PMVK: variants seen among roughly 807,000 people sequenced by gnomAD.
PMVK encodes the protein phosphomevalonate kinase.
Under a neutral mutation model 19.0 loss-of-function variants are expected in PMVK, and 10 were observed. That is an observed-to-expected ratio of 0.53 (90% CI 0.32 to 0.89). PMVK has a LOEUF of 0.89. Among genes scored for constraint, PMVK ranks in the 40% least tolerant of loss-of-function variants. The probability of loss-of-function intolerance (pLI) is 0.03; values close to 1 mark genes in which losing one functional copy is unlikely to be tolerated. For missense variants in PMVK, 222 were observed against 251.1 expected, an observed-to-expected ratio of 0.88 and a Z score of 0.78; for synonymous variants, 108 against 101.6, an observed-to-expected ratio of 1.06 and a Z score of -0.38.
chr1:154,926,435 C>T lies in PMVK; in HGVS notation c.361G>A (p.Ala121Thr). The T allele has an allele frequency of 1.9e-6, 3 of 1,613,924 alleles. No homozygotes were observed. The highest frequency in any genetic ancestry group is 2.5e-6 in the Non-Finnish European group (3 of 1,179,918). Reference sequence around the variant, plus strand: ...ACCGTCTGCGTCACGGCCCCATAGGCCTCCCGAAACCACTGGATGTCAGAC... The same window carrying T: ...ACCGTCTGCGTCACGGCCCCATAGGTCTCCCGAAACCACTGGATGTCAGAC... Reference protein sequence around the residue: ...RVSDIQWFREAYGAVTQTVRV... With the variant: ...RVSDIQWFRETYGAVTQTVRV... The change falls in exon 4 of 5, where the codon GCC (alanine) becomes ACC (threonine). Residue 121 changes from alanine to threonine, a missense_variant. Transcript: ENST00000368467.
rs74116254 is a variant in PMVK, at chr1:154,935,149, G to A, written c.95+1442C>T. Among the ~76,000 whole-genome samples, 800 of 151,900 alleles carry A rather than the reference G, an allele frequency of 5.3e-3. 6 individuals carry two copies. Among genetic ancestry groups the A allele is most frequent in the African/African-American group, 0.018 (761 of 41,348 alleles). On this transcript the variant is annotated intron_variant, in intron 1 of 4. Transcript: ENST00000368467. ...CACACACTAATCAACAGTGAGCCAGGGTTTGCATCCCAGCAGTCTAATTCC... is the reference window on the plus strand; with the variant it reads ...CACACACTAATCAACAGTGAGCCAGAGTTTGCATCCCAGCAGTCTAATTCC...
At chr1:154,938,072 G>T (rs1654566836), upstream of PMVK, 1 of 152,174 alleles carries the variant, frequency 6.6e-6, no homozygotes, top group Admixed American at 6.5e-5. Flanking sequence ...CAGATGTAAG[G>T]GGTTGTTATT....
rs767325440 is a variant in PMVK, at chr1:154,932,392, A to G, written c.119T>C (p.Val40Ala). The change falls in exon 2 of 5, where the codon GTC (valine) becomes GCC (alanine). Residue 40 changes from valine to alanine, a missense_variant. Physicochemically the swap from Val to Ala is moderately conservative, Grantham distance 64. Transcript: ENST00000368467. ...CTTGAGTGGACCAGAGAGCCGGAGG[A>G]CAGCACAGACATCAGCTCCAAGTCT... ...QSRLGADVCA[V>A]LRLSGPLKEQ... is the part of the protein sequence containing the mutation. The G allele has an allele frequency of 6.2e-7, 1 of 1,612,844 alleles. No homozygotes were observed. Among genetic ancestry groups the G allele is most frequent in the Admixed American group, 1.7e-5 (1 of 59,888 alleles).
At chr1:154,930,220 G>A (rs1032697010) in intron 2 of PMVK, among the ~76,000 whole-genome samples, 1 of 152,336 alleles carries the variant, frequency 6.6e-6, no homozygotes, top group East Asian at 1.9e-4. Context: ...AGCACTTTGG[G>A]AGGCCGAGGC....
In PMVK at chr1:154,924,829, A is replaced by C; in HGVS notation, c.*300T>G. On this transcript the variant is annotated 3_prime_UTR_variant, in exon 5 of 5. Coordinates refer to ENST00000368467, the MANE Select transcript of PMVK (RefSeq NM_006556.4). ...GCTGAGAACATCCAGTCAGGATGCA[A>C]GGCCACCACAGGCTGAGGGGACTGG... is the stretch of plus-strand genomic sequence containing the variant. The C allele has an allele frequency of 2.7e-6, 1 of 375,492 alleles. No individual in the cohort carries two copies. The allele number at this position is 375,492 out of a possible 1,614,324, so 23.3% of individuals were successfully genotyped here.
upstream of PMVK, among the ~76,000 whole-genome samples, chr1:154,941,098 G>C (rs1045281233): frequency 8.5e-5 from 13 of 152,236 alleles, no homozygotes; most frequent in African/African-American, 3.1e-4. Context: ...CAGCGGTGGA[G>C]ACCGCCACTC....
chr1:154,927,103 T>C (rs1654187946), intron 3 of PMVK, among the ~76,000 whole-genome samples: 1 of 152,170 alleles, frequency 6.6e-6, no homozygotes, highest in East Asian at 1.9e-4. Flanking sequence ...ACCCCTTCTC[T>C]CCACTCTACG....
chr1:154,936,673 C>T lies in PMVK; in HGVS notation c.13G>A (p.Gly5Arg). 3 of 1,606,462 alleles carry T rather than the reference C, an allele frequency of 1.9e-6. No homozygotes were observed. The highest frequency in any genetic ancestry group is 2.5e-6 in the Non-Finnish European group (3 of 1,177,044). The change falls in exon 1 of 5, where the codon GGA becomes AGA. Residue 5 changes from glycine to arginine, a missense_variant. Transcript: ENST00000368467. The part of the protein sequence containing the change: MAPL[G>R]GAPRLVLLFS... ...AGCAGTACCAGCCGCGGGGCGCCTC[C>T]CAGCGGGGCCATGGGGCCGCCACGC...
At position 154,924,774 on chromosome 1, in the gene PMVK, G is replaced by A. The variant is rs926881034; in HGVS notation, c.*355C>T. On this transcript the variant is annotated 3_prime_UTR_variant, in exon 5 of 5. Coordinates refer to ENST00000368467, the MANE Select transcript of PMVK (RefSeq NM_006556.4). ...AGAGGTTTATTAGTATCCACACTGG[G>A]GAGCTCTGGGTTCTTGCCCAGAACA... 3.9e-6 allele frequency: 1 copy of A among 257,048 alleles called. No homozygotes were observed. The highest frequency in any genetic ancestry group is 7.6e-6 in the Non-Finnish European group (1 of 130,812). 15.9% of individuals were successfully genotyped at this position (257,048 alleles called of 1,614,324 possible).
chr1:154,935,559 T>C (rs1043133117), intron 1 of PMVK, among the ~76,000 whole-genome samples: 1 of 152,016 alleles, frequency 6.6e-6, no homozygotes, highest in Non-Finnish European at 1.5e-5. Flanking sequence ...TTTGTTTGGG[T>C]TTTTTTTCTT....
chr1:154,937,884 C>G (rs1654562458), upstream of PMVK: 1 of 151,896 alleles, frequency 6.6e-6, no homozygotes. Flanking sequence ...AAACACTGCA[C>G]TCATCAACGC....
rs556347004 is a variant in PMVK at position 154,931,501 on chromosome 1, C to T, written c.159+851G>A. Among the ~76,000 whole-genome samples, 3 of 152,198 alleles carry T rather than the reference C, an allele frequency of 2.0e-5. No homozygotes were observed. In the South Asian group the frequency reaches 6.2e-4, roughly 32 times the overall value. ...TCAAAGATACACATTAATTTACAGT[C>T]GAAAATCTCTCTCTCACCCTGTCCC... is the stretch of plus-strand genomic sequence containing the variant. On this transcript the variant is annotated intron_variant, in intron 2 of 4. Coordinates refer to ENST00000368467, the MANE Select transcript of PMVK (RefSeq NM_006556.4).
chr1:154,925,058 A>G lies in PMVK; in HGVS notation c.*71T>C. The G allele has an allele frequency of 1.7e-5, 17 of 1,027,282 alleles. No homozygotes were observed. The highest frequency in any genetic ancestry group is 6.1e-5 in the South Asian group (4 of 65,310). 63.6% of individuals were successfully genotyped at this position (1,027,282 alleles called of 1,614,324 possible). A position where few individuals can be genotyped will look rare whatever the true frequency, so the allele number is the denominator to read the frequency against. ...TCCTCACCTCGGCCAGGATCGGGGG[A>G]CACCCCCATTTTGCAGAGTCAGCCC... On this transcript the variant is annotated 3_prime_UTR_variant, in exon 5 of 5. Coordinates refer to ENST00000368467, the MANE Select transcript of PMVK (RefSeq NM_006556.4).
intron 3 of PMVK, among the ~76,000 whole-genome samples, chr1:154,927,265 T>C (rs1051064639): frequency 6.6e-6 from 1 of 151,110 alleles, no homozygotes; most frequent in Non-Finnish European, 1.5e-5. Flanking sequence ...TGCCAAATGG[T>C]AAAACACCGT....
chr1:154,940,530 T>G (rs2101977986), upstream of PMVK, among the ~76,000 whole-genome samples: 1 of 152,310 alleles, frequency 6.6e-6, no homozygotes, highest in Admixed American at 6.5e-5. Context: ...CATCTAGCTA[T>G]AGGCTATAAC....
At chr1:154,932,438 T>C (rs1338120213) in intron 1 of PMVK, 23 bp from the exon 2 acceptor site, 33 of 1,574,298 alleles carry the variant, frequency 2.1e-5, no homozygotes, top group Non-Finnish European at 2.9e-5. Flanking sequence ...GAGATCAGAA[T>C]CCAGTTAGCC....
chr1:154,925,995 C>A (rs530950274), intron 4 of PMVK, among the ~76,000 whole-genome samples: 8 of 152,188 alleles, frequency 5.3e-5, no homozygotes, highest in Non-Finnish European at 8.8e-5. Context: ...AAGCTCCCAG[C>A]AGAACTTCCT....
upstream of PMVK, among the ~76,000 whole-genome samples, chr1:154,940,015 C>CA (rs1331294078): frequency 6.6e-6 from 1 of 151,912 alleles, no homozygotes; most frequent in East Asian, 1.9e-4. Flanking sequence ...GGCCTCAAGC[C>CA]AACCTCCCAT....
intron 2 of PMVK, among the ~76,000 whole-genome samples, chr1:154,930,202 G>A (rs1040266799): frequency 2.0e-5 from 3 of 152,226 alleles, no homozygotes; most frequent in Non-Finnish European, 4.4e-5. Flanking sequence ...GCTCACGCCT[G>A]TAATCCCAGC....
Sources: allele counts gnomAD v4.1 joint callset (sites outside exome capture counted in the v4.1 genomes callset), GRCh38; gene constraint gnomAD v4.1.1; transcripts MANE v1.5; gene names NCBI Gene and HGNC (gene_info 2026-07-23, HGNC 2026-07-21).